The following OVOL2 variants were observed in gnomAD, a reference collection of about 807,000 sequenced individuals.
The protein encoded by OVOL2 is ovo like zinc finger 2.
Under a neutral mutation model 18.1 loss-of-function variants are expected in OVOL2, and 13 were observed. That is an observed-to-expected ratio of 0.72 (90% CI 0.47 to 1.14). The LOEUF (loss-of-function observed/expected upper bound fraction) is 1.14, where lower values mean the gene tolerates loss of function less well. Among genes scored for constraint, OVOL2 ranks in the 50% most tolerant of loss-of-function variants. The pLI is 0.00. For synonymous variants in OVOL2, 166 were observed against 162.7 expected, an observed-to-expected ratio of 1.02 and a Z score of -0.16; for missense variants, 335 against 383.0, an observed-to-expected ratio of 0.87 and a Z score of 1.05.
intron 3 of OVOL2, among the ~76,000 whole-genome samples, chr20:18,034,644 C>CTCTG (rs2036599088): frequency 6.6e-6 from 1 of 151,146 alleles, no homozygotes; most frequent in African/African-American, 2.5e-5. Flanking sequence ...CTCTCTCTCT[C>CTCTG]TCTCTCTCAC....
intron 3 of OVOL2, among the ~76,000 whole-genome samples, chr20:18,028,929 T>A (rs1427643385): frequency 3.9e-5 from 6 of 152,230 alleles, no homozygotes; most frequent in African/African-American, 1.4e-4. Flanking sequence ...ACAGAAAAGA[T>A]CCCTTTGTCA....
rs1222364185 is a variant in OVOL2, at chr20:18,056,744, C to G, written c.234G>C (p.Glu78Asp). ...CGTCGCCGGGCTCGGGGGTTTCGCT[C>G]TCGGGGGCGTGCGGGGACGAGCTGC... ...AESSSSPHAP[E>D]SETPEPGDAE... Residue 78 changes from glutamate to aspartate, a missense_variant, in exon 2 of 4, where the codon GAG becomes GAC. Transcript: ENST00000278780. This position sits in a 1 kb window ranked among gnomAD's most constrained non-coding sequence, Gnocchi z 4.2. 4 of 1,490,742 alleles carry G rather than the reference C, an allele frequency of 2.7e-6. No homozygotes were observed. In the African/African-American group the frequency reaches 5.9e-5, roughly 22 times the overall value. 92.3% of individuals were successfully genotyped at this position (1,490,742 alleles called of 1,614,324 possible). A position where few individuals can be genotyped will look rare whatever the true frequency, so the allele number is the denominator to read the frequency against.
chr20:18,039,641 A>AAG (rs2036651743), intron 3 of OVOL2, among the ~76,000 whole-genome samples: 2 of 151,408 alleles, frequency 1.3e-5, no homozygotes, highest in South Asian at 4.2e-4. Context: ...GAAAGAAAGA[A>AAG]AAGAAAAAGT....
intron 3 of OVOL2, among the ~76,000 whole-genome samples, chr20:18,040,596 A>ACT (rs2036659373): frequency 5.3e-5 from 8 of 152,154 alleles, no homozygotes; most frequent in Admixed American, 5.2e-4. Flanking sequence ...CAGGCGGGAA[A>ACT]GCATGGAGGC....
chr20:18,051,558 C>T (rs923455409), intron 2 of OVOL2, among the ~76,000 whole-genome samples: 1 of 152,022 alleles, frequency 6.6e-6, no homozygotes, highest in Non-Finnish European at 1.5e-5. Flanking sequence ...AGACAGATGC[C>T]CCACAGTGTG....
At chr20:18,037,731 C>T (rs141292121) in intron 3 of OVOL2, among the ~76,000 whole-genome samples, 1 of 152,164 alleles carries the variant, frequency 6.6e-6, no homozygotes, top group Non-Finnish European at 1.5e-5. Context: ...ATTGAGCAAC[C>T]TGGGGTGCAT....
At chr20:18,034,666 C>T (rs1211027884) in intron 3 of OVOL2, among the ~76,000 whole-genome samples, 1 of 151,748 alleles carries the variant, frequency 6.6e-6, no homozygotes, top group African/African-American at 2.4e-5. Context: ...CACACACACA[C>T]ACACACCCCT....
chr20:18,047,785 C>T (rs1028517977), intron 2 of OVOL2, among the ~76,000 whole-genome samples: 2 of 121,050 alleles, frequency 1.7e-5, no homozygotes, highest in Admixed American at 1.1e-4. Flanking sequence ...ACCCGGGAGG[C>T]GGAGGTTGCA....
intron 3 of OVOL2, 40 bp from the exon 4 acceptor site, chr20:18,024,992 G>A: frequency 6.3e-7 from 1 of 1,576,092 alleles, no homozygotes; most frequent in Non-Finnish European, 8.6e-7. Flanking sequence ...GGTTGGTCAT[G>A]GCCAAGCCAG....
At position 18,056,551 on chromosome 20, in the gene OVOL2, G is replaced by C. The variant is rs1054897362; in HGVS notation, c.321+106C>G. Reference sequence around the variant, plus strand: ...GGCGCGGCGGGCGCGCTCGGGGCGCGGGTGCCGGGTTGCGCAGGCGGGCGC... The same window carrying C: ...GGCGCGGCGGGCGCGCTCGGGGCGCCGGTGCCGGGTTGCGCAGGCGGGCGC... On this transcript the variant is annotated intron_variant, in intron 2 of 3. Coordinates refer to ENST00000278780, the MANE Select transcript of OVOL2 (RefSeq NM_021220.4). The surrounding 1 kb of genome is among the most constrained non-coding windows in gnomAD (Gnocchi z 4.2). 6 of 1,152,326 alleles carry C rather than the reference G, an allele frequency of 5.2e-6. No individual in the cohort carries two copies. Among genetic ancestry groups the C allele is most frequent in the African/African-American group, 1.6e-5 (1 of 61,300 alleles). The allele number at this position is 1,152,326 out of a possible 1,614,324, so 71.4% of individuals were successfully genotyped here.
At position 18,056,591 on chromosome 20, in the gene OVOL2, C is replaced by T. The variant is rs2036827877; in HGVS notation, c.321+66G>A. 1 of 1,298,518 alleles carries T rather than the reference C, an allele frequency of 7.7e-7. No homozygotes were observed. The allele number at this position is 1,298,518 out of a possible 1,614,324, so 80.4% of individuals were successfully genotyped here. ...CAGGCGGGCGCGGCAGGGAGGGGCGCCGGCCTCGGGAGCCCGACGCCAGGG... is the reference window on the plus strand; with the variant it reads ...CAGGCGGGCGCGGCAGGGAGGGGCGTCGGCCTCGGGAGCCCGACGCCAGGG... On this transcript the variant is annotated intron_variant, in intron 2 of 3. Coordinates refer to ENST00000278780, the MANE Select transcript of OVOL2 (RefSeq NM_021220.4). This position sits in a 1 kb window ranked among gnomAD's most constrained non-coding sequence, Gnocchi z 4.2.
intron 3 of OVOL2, among the ~76,000 whole-genome samples, chr20:18,027,882 A>G (rs1197342419): frequency 2.6e-5 from 4 of 152,182 alleles, no homozygotes; most frequent in Non-Finnish European, 4.4e-5. Flanking sequence ...GGCGTGAGCC[A>G]CTGCGCCCGG....
chr20:18,053,992 C>G (rs1484716683), intron 2 of OVOL2, among the ~76,000 whole-genome samples: 1 of 152,180 alleles, frequency 6.6e-6, no homozygotes, highest in East Asian at 1.9e-4. Context: ...GCCTTCAAAT[C>G]CACATCAGGA....
chr20:18,032,165 T>C (rs1418733038), intron 3 of OVOL2, among the ~76,000 whole-genome samples: 1 of 150,476 alleles, frequency 6.6e-6, no homozygotes, highest in Admixed American at 6.7e-5. Flanking sequence ...ATATACAAGA[T>C]ATACTCATGG....
At position 18,056,578 on chromosome 20, in the gene OVOL2, G is replaced by C; in HGVS notation, c.321+79C>G. The C allele has an allele frequency of 7.9e-7, 1 of 1,272,844 alleles. No homozygotes were observed. Among genetic ancestry groups the C allele is most frequent in the Non-Finnish European group, 9.9e-7 (1 of 1,007,674 alleles). 78.8% of individuals were successfully genotyped at this position (1,272,844 alleles called of 1,614,324 possible). Reference sequence around the variant, plus strand: ...GTGCCGGGTTGCGCAGGCGGGCGCGGCAGGGAGGGGCGCCGGCCTCGGGAG... The same window carrying C: ...GTGCCGGGTTGCGCAGGCGGGCGCGCCAGGGAGGGGCGCCGGCCTCGGGAG... On this transcript the variant is annotated intron_variant, in intron 2 of 3. Transcript: ENST00000278780. This position sits in a 1 kb window ranked among gnomAD's most constrained non-coding sequence, Gnocchi z 4.2.
intron 3 of OVOL2, among the ~76,000 whole-genome samples, chr20:18,025,734 G>T (rs1012545742): frequency 6.6e-6 from 1 of 152,208 alleles, no homozygotes; most frequent in Non-Finnish European, 1.5e-5. Flanking sequence ...CAGTTACACG[G>T]TGGACAACCA....
rs900209628 is a variant in OVOL2, at chr20:18,024,663, G to C, written c.801C>G (p.Ser267Arg). ...KLTSAHQENT[S>R]LSEEEERK ...ACTTCCTCTCCTCCTCCTCACTCAG[G>C]CTGGTATTCTCCTGGTGTGCGGATG... The change falls in exon 4 of 4, where the codon AGC becomes AGG. Residue 267 changes from serine (S) to arginine (R), a missense_variant. Physicochemically the swap from Ser to Arg is moderately radical, Grantham distance 110. Transcript: ENST00000278780. The C allele has an allele frequency of 6.2e-7, 1 of 1,611,870 alleles. No homozygotes were observed. The highest frequency in any genetic ancestry group is 8.5e-7 in the Non-Finnish European group (1 of 1,178,608).
In OVOL2 at chr20:18,057,602, GCTC is replaced by G; in HGVS notation, c.30_32del (p.Arg10del). ...CCCAGCTGCGGACCGAGACCCCCAGGCTCCTCCTCTTCACCAGGAAGACTTTGG... is the reference window on the plus strand; with the variant it reads ...CCCAGCTGCGGACCGAGACCCCCAGGCTCCTCTTCACCAGGAAGACTTTGG... On this transcript the variant is annotated inframe_deletion, in exon 1 of 4. Coordinates refer to ENST00000278780, the MANE Select transcript of OVOL2 (RefSeq NM_021220.4). The surrounding 1 kb of genome is among the most constrained non-coding windows in gnomAD (Gnocchi z 6.3). 6.3e-7 allele frequency: 1 copy of G among 1,595,780 alleles called. No homozygotes were observed. Among genetic ancestry groups the G allele is most frequent in the Non-Finnish European group, 8.5e-7 (1 of 1,170,914 alleles).
intron 3 of OVOL2, among the ~76,000 whole-genome samples, chr20:18,027,875 G>A (rs1339825465): frequency 2.0e-5 from 3 of 152,160 alleles, no homozygotes; most frequent in Non-Finnish European, 2.9e-5. Flanking sequence ...GATTACAGGC[G>A]TGAGCCACTG....
Sources: gnomAD v4.1 joint callset for allele counts (sites outside exome capture counted in the v4.1 genomes callset) on GRCh38, gnomAD v4.1.1 for gene constraint, Gnocchi (gnomAD v3.1) non-coding constraint, MANE v1.5 for transcripts, NCBI Gene and HGNC (gene_info 2026-07-23, HGNC 2026-07-21) for gene names.